The following RPS20 variants were observed in gnomAD, a reference collection of about 807,000 sequenced individuals.
RPS20 encodes the protein small ribosomal subunit protein uS10.
In RPS20, 3 loss-of-function variants were observed where a neutral mutation model predicts 15.3. The observed-to-expected ratio is 0.20, with a 90% CI of 0.09 to 0.51. The LOEUF is 0.51. Ranked by LOEUF, RPS20 falls within the 20% of genes least tolerant of loss-of-function variation. RPS20 has a pLI of 0.96. For missense variants in RPS20, 67 were observed against 145.9 expected, an observed-to-expected ratio of 0.46 and a Z score of 2.79; for synonymous variants, 62 against 47.8, an observed-to-expected ratio of 1.30 and a Z score of -1.23.
At chr8:56,071,296 G>A (rs549298814), downstream of RPS20, among the ~76,000 whole-genome samples, 1 of 152,226 alleles carries the variant, frequency 6.6e-6, no homozygotes, top group African/African-American at 2.4e-5. Flanking sequence ...CAAGACATGT[G>A]TGCTCTAAAG....
chr8:56,074,336 GC>G, intron 1 of RPS20, 44 bp downstream of exon 1: 1 of 1,547,306 alleles, frequency 6.5e-7, no homozygotes. Flanking sequence ...TCCCCCCGGC[GC>G]CCGAGCCCTG....
In RPS20 at chr8:56,073,258, A is replaced by G. The variant is rs1809817192; in HGVS notation, c.192T>C (p.Thr64=). Residue 64 remains threonine, a synonymous_variant, in exon 4 of 4, where the codon ACT becomes ACC. Transcript: ENST00000009589. The part of the protein sequence containing the change: ...VRMPTKTLRI[T]TRKTPCGEGS... ...CTTCACCACAAGGAGTTTTTCTTGT[A>G]GTGATTCTCAAAGTCTGTAACAAAA... 2 of 1,604,334 alleles carry G rather than the reference A, an allele frequency of 1.2e-6. No homozygotes were observed. Among genetic ancestry groups the G allele is most frequent in the Non-Finnish European group, 8.5e-7 (1 of 1,174,658 alleles).
chr8:56,072,309 T>C (rs148762676), downstream of RPS20, among the ~76,000 whole-genome samples: 127 of 152,164 alleles, frequency 8.3e-4, no homozygotes, highest in African/African-American at 2.9e-3. Context: ...CCCAGCACTT[T>C]GGGAGGCTGA....
At chr8:56,072,660 A>AGTCCCTAAAACCCTAAAACTTAGTTTTG (rs1809798516), downstream of RPS20, 1 of 154,624 alleles carries the variant, frequency 6.5e-6, no homozygotes, top group African/African-American at 2.4e-5. Flanking sequence ...ACTTAGTTTT[A>AGTCCCTAAAACCCTAAAACTTAGTTTTG]GTCCTGCCTC....
At chr8:56,069,844 A>G (rs1418191184), downstream of RPS20, 2 of 1,404,866 alleles carry the variant, frequency 1.4e-6, no homozygotes, top group Non-Finnish European at 2.0e-6. Flanking sequence ...CTGTAGATCA[A>G]AAGTATTCAG....
chr8:56,072,898 G>A (rs1201642164), downstream of RPS20: 2 of 1,342,432 alleles, frequency 1.5e-6, no homozygotes, highest in Admixed American at 3.1e-5. Flanking sequence ...ATATTATGTA[G>A]TTAACGGAAT....
downstream of RPS20, among the ~76,000 whole-genome samples, chr8:56,068,748 C>T (rs1809675163): frequency 7.2e-6 from 1 of 139,052 alleles, no homozygotes; most frequent in Admixed American, 7.6e-5. Flanking sequence ...TGCTTGAAAG[C>T]ATCAATTTGA....
chr8:56,069,945 ATTG>A (rs1210550169), downstream of RPS20: 1 of 695,334 alleles, frequency 1.4e-6, no homozygotes, highest in Non-Finnish European at 2.6e-6. Context: ...TACCATTTAC[ATTG>A]TATTAGGTAT....
At chr8:56,071,745 GAA>G (rs1051754828), downstream of RPS20, among the ~76,000 whole-genome samples, 10 of 152,172 alleles carry the variant, frequency 6.6e-5, no homozygotes, top group African/African-American at 2.4e-4. Context: ...AGGTCAATTT[GAA>G]AAGATAGCAG....
downstream of RPS20, among the ~76,000 whole-genome samples, chr8:56,070,283 G>A (rs922914570): frequency 1.4e-4 from 22 of 152,114 alleles, no homozygotes; most frequent in African/African-American, 4.6e-4. Flanking sequence ...ACATAACTGA[G>A]GCTCAAAGTC....
chr8:56,069,864 T>G, downstream of RPS20: 2 of 1,063,208 alleles, frequency 1.9e-6, no homozygotes, highest in South Asian at 1.3e-5. Flanking sequence ...GAAAAAAAAT[T>G]GTCTCTACTG....
chr8:56,070,975 C>A (rs929830601), downstream of RPS20, among the ~76,000 whole-genome samples: 31 of 152,166 alleles, frequency 2.0e-4, no homozygotes, highest in African/African-American at 7.5e-4. Flanking sequence ...ATCCTGAATT[C>A]CCTATATTCA....
chr8:56,071,589 T>TCC (rs1809756744), downstream of RPS20, among the ~76,000 whole-genome samples: 1 of 152,162 alleles, frequency 6.6e-6, no homozygotes, highest in African/African-American at 2.4e-5. Context: ...GTTTGAACTG[T>TCC]GAGACTTCAG....
chr8:56,068,866 G>A (rs539692513), downstream of RPS20, among the ~76,000 whole-genome samples: 70 of 101,492 alleles, frequency 6.9e-4, no homozygotes, highest in African/African-American at 2.4e-3. Context: ...TCAGTCTGTC[G>A]CCCAGGCTGG....
downstream of RPS20, among the ~76,000 whole-genome samples, chr8:56,072,487 G>A (rs1205565891): frequency 6.7e-6 from 1 of 149,888 alleles, no homozygotes; most frequent in Non-Finnish European, 1.5e-5. Context: ...GGGAGGCAGA[G>A]GTTGCAGTGA....
chr8:56,067,726 A>G (rs1585717130), exon 6 of RPS20: 1 of 152,190 alleles, frequency 6.6e-6, no homozygotes, highest in African/African-American at 2.4e-5. Context: ...ATGATATGGT[A>G]TGGGTCAAAC....
At chr8:56,072,996 A>G, downstream of RPS20, 1 of 1,504,042 alleles carries the variant, frequency 6.6e-7, no homozygotes, top group Non-Finnish European at 8.8e-7. Flanking sequence ...TGGAAGTCTC[A>G]TAGTACACCT....
chr8:56,073,538 A>G, intron 3 of RPS20, 157 bp downstream of exon 3: 1 of 688,560 alleles, frequency 1.5e-6, no homozygotes, highest in Non-Finnish European at 2.6e-6. Context: ...TCTAAACATT[A>G]GCTACTTACT....
chr8:56,069,256 T>C (rs1339036160), downstream of RPS20, among the ~76,000 whole-genome samples: 2 of 151,646 alleles, frequency 1.3e-5, no homozygotes. Context: ...TTTATTATTT[T>C]TTTTGAGACT....
Sources: gnomAD v4.1 joint callset for allele counts (sites outside exome capture counted in the v4.1 genomes callset) on GRCh38, gnomAD v4.1.1 for gene constraint, MANE v1.5 for transcripts, NCBI Gene and HGNC (gene_info 2026-07-23, HGNC 2026-07-21) for gene names.